Variants in C15orf61 observed in about 807,000 individuals in gnomAD.
C15orf61 encodes the protein chromosome 15 open reading frame 61.
A neutral mutation model predicts 13.7 loss-of-function variants in C15orf61; 12 were observed. That is an observed-to-expected ratio of 0.88 (90% CI 0.56 to 1.42). The LOEUF (loss-of-function observed/expected upper bound fraction) is 1.42. C15orf61 is among the 40% of genes most tolerant of loss of function. The pLI is 0.00. For synonymous variants in C15orf61, 92 were observed against 94.1 expected (o/e 0.98, Z 0.13); for missense variants, 248 against 213.2 (o/e 1.16, Z -1.02).
intron 1 of C15orf61, among the ~76,000 whole-genome samples, chr15:67,522,523 A>C (rs1253822923): frequency 6.6e-6 from 1 of 152,248 alleles, no homozygotes; most frequent in Non-Finnish European, 1.5e-5. Context: ...CACATATGTC[A>C]GTCGTGGGCT....
In C15orf61 at chr15:67,524,836, T is replaced by G. The variant is rs867429850; in HGVS notation, c.347-1582T>G. On this transcript the variant is annotated intron_variant, in intron 1 of 1. Transcript: ENST00000342683. The stretch of plus-strand genomic sequence containing the variant: ...CCAGAGCATGTGTTGCTTTTTTGTT[T>G]GTTTTTTTTTTTTTTTTTTGAGATG... Among the ~76,000 whole-genome samples, 3 of 122,262 alleles carry G rather than the reference T, an allele frequency of 2.5e-5. No individual in the cohort carries two copies. The South Asian group carries it at 6.8e-4, about 28-fold the overall frequency. The allele number at this position is 122,262 out of a possible 152,430, so 80.2% of individuals were successfully genotyped here.
intron 1 of C15orf61, among the ~76,000 whole-genome samples, chr15:67,524,986 G>A (rs1163299433): frequency 6.6e-6 from 1 of 151,948 alleles, no homozygotes; most frequent in Non-Finnish European, 1.5e-5. Context: ...ATAGGCATGC[G>A]CCATCACGCC....
At position 67,521,573 on chromosome 15, in the gene C15orf61, G is replaced by A. The variant is rs1283820573; in HGVS notation, c.325G>A (p.Ala109Thr). The A allele has an allele frequency of 3.3e-6, 5 of 1,537,502 alleles. No individual in the cohort carries two copies. The highest frequency in any genetic ancestry group is 4.4e-6 in the Non-Finnish European group (5 of 1,139,000). ...GGCCCGGCAGAACCGCTTCTTCACG[G>A]CGCTCAAGGTCGTCAACCTCGGTGA... ...DLARQNRFFT[A>T]LKVVNLGIPT... The change falls in exon 1 of 2, where the codon GCG becomes ACG. Residue 109 changes from alanine (A) to threonine (T), a missense_variant. Ala to Thr is a moderately conservative substitution (Grantham distance 58). Coordinates refer to ENST00000342683, the MANE Select transcript of C15orf61 (RefSeq NM_001143936.2).
At chr15:67,524,757 C>A (rs1479430332) in intron 1 of C15orf61, among the ~76,000 whole-genome samples, 1 of 151,474 alleles carries the variant, frequency 6.6e-6, no homozygotes, top group Non-Finnish European at 1.5e-5. Flanking sequence ...GAGCTTAACA[C>A]AGCAAATATA....
chr15:67,522,088 C>T (rs766065540), intron 1 of C15orf61: 1 of 701,474 alleles, frequency 1.4e-6, no homozygotes, highest in Admixed American at 2.0e-5. Flanking sequence ...CTAAAAGCAC[C>T]AAAGGTTTTC....
At chr15:67,523,021 C>A (rs1012016350) in intron 1 of C15orf61, among the ~76,000 whole-genome samples, 5 of 152,106 alleles carry the variant, frequency 3.3e-5, no homozygotes, top group African/African-American at 1.2e-4. Flanking sequence ...TTGAAAGAAA[C>A]AACAGTTGTA....
chr15:67,526,593 A>T lies in C15orf61; in HGVS notation c.*48A>T. The T allele has an allele frequency of 7.1e-7, 1 of 1,409,318 alleles. No individual in the cohort carries two copies. The highest frequency in any genetic ancestry group is 9.4e-7 in the Non-Finnish European group (1 of 1,065,994). The allele number at this position is 1,409,318 out of a possible 1,614,324, so 87.3% of individuals were successfully genotyped here. A position where few individuals can be genotyped will look rare whatever the true frequency, so the allele number is the denominator to read the frequency against. ...ATATCAGTGGATTTTCTCTGTGTAT[A>T]TGTGCAGTATTTATTTTTGATCCTT... On this transcript the variant is annotated 3_prime_UTR_variant, in exon 2 of 2. Coordinates refer to ENST00000342683, the MANE Select transcript of C15orf61 (RefSeq NM_001143936.2).
At chr15:67,522,086 A>G (rs1314618105) in intron 1 of C15orf61, 2 of 701,608 alleles carry the variant, frequency 2.9e-6, no homozygotes, top group African/African-American at 3.5e-5. Context: ...TACTAAAAGC[A>G]CCAAAGGTTT....
Position 67,526,816 on chromosome 15 carries a change from T to G in C15orf61, c.*271T>G, listed in dbSNP as rs2084201652. The G allele has an allele frequency of 4.1e-6, 1 of 245,272 alleles. No individual in the cohort carries two copies. Among genetic ancestry groups the G allele is most frequent in the African/African-American group, 2.2e-5 (1 of 44,966 alleles). 15.2% of individuals were successfully genotyped at this position (245,272 alleles called of 1,614,324 possible). A position where few individuals can be genotyped will look rare whatever the true frequency, so the allele number is the denominator to read the frequency against. On this transcript the variant is annotated 3_prime_UTR_variant, in exon 2 of 2. Transcript: ENST00000342683. ...AGGTTAACCTACAGATAAAAAATGA[T>G]TACAATGTAATAGATTCTATAGTTA...
chr15:67,522,267 C>T (rs2084170988), intron 1 of C15orf61: 1 of 699,344 alleles, frequency 1.4e-6, no homozygotes, highest in Non-Finnish European at 2.6e-6. Context: ...ATGGGTGTAT[C>T]TTTTATAGGT....
Position 67,526,714 on chromosome 15 carries a change from G to T in C15orf61, c.*169G>T. The T allele has an allele frequency of 1.8e-6, 1 of 569,906 alleles. No individual in the cohort carries two copies. Among genetic ancestry groups the T allele is most frequent in the Non-Finnish European group, 2.8e-6 (1 of 354,514 alleles). The allele number at this position is 569,906 out of a possible 1,614,324, so 35.3% of individuals were successfully genotyped here. ...CAAGAGGTGAAGCTTTTTATACATC[G>T]TTATATATTACATACTCTGTTTAGC... On this transcript the variant is annotated 3_prime_UTR_variant, in exon 2 of 2. Transcript: ENST00000342683.
chr15:67,528,955 T>C lies in C15orf61; in HGVS notation c.*2410T>C, dbSNP rs1161789227. On this transcript the variant is annotated 3_prime_UTR_variant, in exon 2 of 2. Transcript: ENST00000342683. ...AAGGTGATGGAGAAAGAAGGAGAGA[T>C]GCATTGATAGCACATGCCCACTAAC... is the stretch of plus-strand genomic sequence containing the variant. The C allele has an allele frequency of 1.3e-5, 2 of 152,202 alleles. No homozygotes were observed. Among genetic ancestry groups the C allele is most frequent in the Non-Finnish European group, 2.9e-5 (2 of 68,028 alleles). The allele number at this position is 152,202 out of a possible 1,614,324, so 9.4% of individuals were successfully genotyped here. A position where few individuals can be genotyped will look rare whatever the true frequency, so the allele number is the denominator to read the frequency against.
Position 67,521,135 on chromosome 15 carries a change from C to CCCAAGCCCAGCGCCTCGGA in C15orf61, c.-114_-113insCCAAGCCCAGCGCCTCGGA. The CCCAAGCCCAGCGCCTCGGA allele has an allele frequency of 1.7e-6, 1 of 604,018 alleles. No individual in the cohort carries two copies. Among genetic ancestry groups the CCCAAGCCCAGCGCCTCGGA allele is most frequent in the Non-Finnish European group, 2.2e-6 (1 of 464,452 alleles). The allele number at this position is 604,018 out of a possible 1,614,324, so 37.4% of individuals were successfully genotyped here. ...GCTGTGCGCACGCGCCGCCGCACAC[C>CCCAAGCCCAGCGCCTCGGA]GGGGGCTCTCGGGCACCCGCGCGGC... On this transcript the variant is annotated 5_prime_UTR_variant, in exon 1 of 2. Transcript: ENST00000342683.
At chr15:67,524,385 T>A (rs1596528958) in intron 1 of C15orf61, among the ~76,000 whole-genome samples, 1 of 146,544 alleles carries the variant, frequency 6.8e-6, no homozygotes, top group Non-Finnish European at 1.5e-5. Context: ...CCTGAGCCAC[T>A]TGCCTTTTTT....
chr15:67,522,138 A>G (rs1162843311), intron 1 of C15orf61: 3 of 701,390 alleles, frequency 4.3e-6, no homozygotes, highest in African/African-American at 3.5e-5. Context: ...GGCCTAAAAG[A>G]TTTTTAAAGA....
rs1004151890 is a variant in C15orf61, at chr15:67,528,201, A to T, written c.*1656A>T. 2.0e-5 allele frequency: 3 copies of T among 152,182 alleles called. No homozygotes were observed. Among genetic ancestry groups the T allele is most frequent in the Admixed American group, 1.3e-4 (2 of 15,278 alleles). 9.4% of individuals were successfully genotyped at this position (152,182 alleles called of 1,614,324 possible). On this transcript the variant is annotated 3_prime_UTR_variant, in exon 2 of 2. Transcript: ENST00000342683. ...TCAGTAGAGTTGCACCTCTTTTCAC[A>T]CTGGCCTGTTTGATTTCTGATAATT...
chr15:67,527,206 T>C lies in C15orf61; in HGVS notation c.*661T>C, dbSNP rs551444462. 2 of 152,188 alleles carry C rather than the reference T, an allele frequency of 1.3e-5. No homozygotes were observed. Among genetic ancestry groups the C allele is most frequent in the African/African-American group, 2.4e-5 (1 of 41,462 alleles). The allele number at this position is 152,188 out of a possible 1,614,324, so 9.4% of individuals were successfully genotyped here. A position where few individuals can be genotyped will look rare whatever the true frequency, so the allele number is the denominator to read the frequency against. On this transcript the variant is annotated 3_prime_UTR_variant, in exon 2 of 2. Coordinates refer to ENST00000342683, the MANE Select transcript of C15orf61 (RefSeq NM_001143936.2). ...GCAAGGTGAATGAAACTCAGACTTA[T>C]TAAAAGTTAAAACAGCTTTCCTATA...
rs910009769 is a variant in C15orf61, at chr15:67,521,676, T to G, written c.346+82T>G. On this transcript the variant is annotated intron_variant, in intron 1 of 1. Coordinates refer to ENST00000342683, the MANE Select transcript of C15orf61 (RefSeq NM_001143936.2). ...CAGCCACCGAGCACGTGACGAACGC[T>G]CGCAGGCCGGTAGAGTCCCGCGGGA... 3.8e-6 allele frequency: 5 copies of G among 1,310,750 alleles called. No homozygotes were observed. The African/African-American group carries it at 7.4e-5, about 19-fold the overall frequency. The allele number at this position is 1,310,750 out of a possible 1,614,324, so 81.2% of individuals were successfully genotyped here.
At position 67,527,368 on chromosome 15, in the gene C15orf61, C is replaced by T. The variant is rs987378151; in HGVS notation, c.*823C>T. ...AAGGAGTGGGCTGAAATTTTAAAGA[C>T]CTAATGGCACTTTTGCATTTGAATT... On this transcript the variant is annotated 3_prime_UTR_variant, in exon 2 of 2. Coordinates refer to ENST00000342683, the MANE Select transcript of C15orf61 (RefSeq NM_001143936.2). 4 of 152,092 alleles carry T rather than the reference C, an allele frequency of 2.6e-5. No homozygotes were observed. The highest frequency in any genetic ancestry group is 1.5e-5 in the Non-Finnish European group (1 of 67,990). The allele number at this position is 152,092 out of a possible 1,614,324, so 9.4% of individuals were successfully genotyped here.
Sources: allele counts gnomAD v4.1 joint callset (sites outside exome capture counted in the v4.1 genomes callset), GRCh38; gene constraint gnomAD v4.1.1; transcripts MANE v1.5; gene names NCBI Gene and HGNC (gene_info 2026-07-23, HGNC 2026-07-21).